Variants in EPHA6 observed in about 807,000 individuals in gnomAD.
EPHA6 encodes the protein ephrin type-A receptor 6.
A neutral mutation model predicts 112.0 loss-of-function variants in EPHA6; 50 were observed. The ratio of observed to expected loss-of-function variants is 0.45; its 90% CI spans 0.36 to 0.56. The LOEUF is 0.56. Among genes scored for constraint, EPHA6 ranks in the 20% least tolerant of loss-of-function variants. The probability of loss-of-function intolerance (pLI) is 0.00; values close to 1 mark genes in which losing one functional copy is unlikely to be tolerated. For synonymous variants in EPHA6, 529 were observed against 490.7 expected (o/e 1.08, Z -1.03); for missense variants, 1,280 against 1,417.4 (o/e 0.90, Z 1.56).
At chr3:97,229,171 A>G (rs2078448776) in intron 4 of EPHA6, among the ~76,000 whole-genome samples, 1 of 152,026 alleles carries the variant, frequency 6.6e-6, no homozygotes, top group African/African-American at 2.4e-5. Flanking sequence ...TGGGTTGTCC[A>G]TTAACTCTGC....
intron 5 of EPHA6, among the ~76,000 whole-genome samples, chr3:97,380,462 A>G (rs1393040347): frequency 6.6e-6 from 1 of 152,192 alleles, no homozygotes; most frequent in East Asian, 1.9e-4. Context: ...CAGAATGCCT[A>G]ACTCATTACC....
At chr3:96,945,808 T>C (rs556234152) in intron 2 of EPHA6, among the ~76,000 whole-genome samples, 50 of 152,304 alleles carry the variant, frequency 3.3e-4, no homozygotes, top group Non-Finnish European at 6.9e-4. Context: ...CATGATCTTG[T>C]TACAGTCGAT....
At chr3:97,145,537 TAAAA>T (rs543752436) in intron 3 of EPHA6, among the ~76,000 whole-genome samples, 2 of 145,668 alleles carry the variant, frequency 1.4e-5, no homozygotes, top group Non-Finnish European at 3.1e-5. Flanking sequence ...TGACAACAGT[TAAAA>T]AAAAAAACAT....
chr3:97,343,607 T>C (rs2083411161), intron 5 of EPHA6, among the ~76,000 whole-genome samples: 1 of 151,828 alleles, frequency 6.6e-6, no homozygotes, highest in Admixed American at 6.6e-5. Flanking sequence ...TAATTGGCCA[T>C]CTCACCAGAA....
At chr3:97,291,666 A>G (rs2080688600) in intron 5 of EPHA6, among the ~76,000 whole-genome samples, 1 of 152,018 alleles carries the variant, frequency 6.6e-6, no homozygotes, top group Non-Finnish European at 1.5e-5. Flanking sequence ...TTTATTTGAG[A>G]TCTAATATTT....
chr3:96,979,747 C>G (rs1175459160), intron 2 of EPHA6, among the ~76,000 whole-genome samples: 1 of 152,160 alleles, frequency 6.6e-6, no homozygotes, highest in Non-Finnish European at 1.5e-5. Flanking sequence ...GCCATTCTAA[C>G]TGGTGTGAGA....
chr3:97,437,668 T>G (rs968650936), intron 6 of EPHA6, among the ~76,000 whole-genome samples: 16 of 151,662 alleles, frequency 1.1e-4, no homozygotes, highest in Non-Finnish European at 1.3e-4. Context: ...ATTTTTTGGT[T>G]GTTGTTTTTG....
chr3:97,253,641 A>G (rs188040085), intron 5 of EPHA6, among the ~76,000 whole-genome samples: 24 of 152,288 alleles, frequency 1.6e-4, no homozygotes, highest in African/African-American at 5.5e-4. Context: ...GATGATAGAT[A>G]TATCTATAGT....
At chr3:97,063,284 A>G (rs1275820515) in intron 3 of EPHA6, among the ~76,000 whole-genome samples, 1 of 152,230 alleles carries the variant, frequency 6.6e-6, no homozygotes, top group Non-Finnish European at 1.5e-5. Context: ...CACAATAGCA[A>G]AGACATGGAA....
chr3:97,252,310 A>T (rs914317927), intron 5 of EPHA6, among the ~76,000 whole-genome samples: 6 of 152,082 alleles, frequency 3.9e-5, no homozygotes, highest in Non-Finnish European at 8.8e-5. Flanking sequence ...CCACAATGGG[A>T]GACCACCAGT....
chr3:97,395,154 CATAAG>C (rs2086628367), intron 5 of EPHA6, among the ~76,000 whole-genome samples: 1 of 151,404 alleles, frequency 6.6e-6, no homozygotes, highest in African/African-American at 2.4e-5. Flanking sequence ...CAAGGAAGAA[CATAAG>C]ATAAAGTACT....
intron 11 of EPHA6, among the ~76,000 whole-genome samples, chr3:97,568,360 A>G (rs1483258675): frequency 1.3e-5 from 2 of 152,208 alleles, no homozygotes; most frequent in African/African-American, 2.4e-5. Context: ...TATAAAATGC[A>G]GAACAGATAA....
In EPHA6 at chr3:97,717,208, G is replaced by A. The variant is rs1209138871; in HGVS notation, c.2785-3053G>A. Reference sequence around the variant, plus strand: ...ATCGCGCCATTGCACTCCAGCCTGGGCAACAAGAGTGAAACTCCATCTCAA... The same window carrying A: ...ATCGCGCCATTGCACTCCAGCCTGGACAACAAGAGTGAAACTCCATCTCAA... On this transcript the variant is annotated intron_variant, in intron 14 of 17. Transcript: ENST00000389672. Among the ~76,000 whole-genome samples the A allele has an allele frequency of 6.6e-5, 9 of 136,612 alleles. No individual in the cohort carries two copies. In the Admixed American group the frequency reaches 7.0e-4, roughly 11 times the overall value. 89.6% of individuals were successfully genotyped at this position (136,612 alleles called of 152,430 possible).
chr3:97,368,507 T>C (rs1210963634), intron 5 of EPHA6, among the ~76,000 whole-genome samples: 2 of 152,092 alleles, frequency 1.3e-5, no homozygotes, highest in African/African-American at 4.8e-5. Flanking sequence ...ACAAAATAGG[T>C]CAACCTATCT....
At chr3:97,646,202 C>G in intron 14 of EPHA6, 1 of 1,535,642 alleles carries the variant, frequency 6.5e-7, no homozygotes. Flanking sequence ...GCGAGTCCAG[C>G]TCTGGTTATG....
intron 12 of EPHA6, among the ~76,000 whole-genome samples, chr3:97,602,146 A>G (rs1311570821): frequency 6.6e-6 from 1 of 152,042 alleles, no homozygotes; most frequent in East Asian, 1.9e-4. Flanking sequence ...CTGAAATTTC[A>G]ACTGCTAAGC....
rs1315620039 is a variant in EPHA6, at chr3:97,751,657, T to A, written c.*2956T>A. ...TTACATGAAACATTTTGAGACTTACTAGTGTAAATTTTAGGTAATTAAATC... is the reference window on the plus strand; with the variant it reads ...TTACATGAAACATTTTGAGACTTACAAGTGTAAATTTTAGGTAATTAAATC... On this transcript the variant is annotated 3_prime_UTR_variant, in exon 18 of 18. Transcript: ENST00000389672. Among the ~76,000 whole-genome samples the A allele has an allele frequency of 1.3e-5, 2 of 152,140 alleles. No homozygotes were observed. Among genetic ancestry groups the A allele is most frequent in the Non-Finnish European group, 2.9e-5 (2 of 67,972 alleles).
chr3:96,982,882 C>A (rs2042856178), intron 2 of EPHA6, among the ~76,000 whole-genome samples: 2 of 152,164 alleles, frequency 1.3e-5, no homozygotes, highest in South Asian at 2.1e-4. Context: ...GCAACCCCTG[C>A]CTTTTTTTGT....
chr3:97,709,923 G>A (rs1427928595), intron 14 of EPHA6, among the ~76,000 whole-genome samples: 1 of 152,196 alleles, frequency 6.6e-6, no homozygotes, highest in Non-Finnish European at 1.5e-5. Context: ...TTCCAGCCAT[G>A]TGGAACTGTG....
Sources: gnomAD v4.1 joint callset for allele counts (sites outside exome capture counted in the v4.1 genomes callset) on GRCh38, gnomAD v4.1.1 for gene constraint, MANE v1.5 for transcripts, NCBI Gene and HGNC (gene_info 2026-07-23, HGNC 2026-07-21) for gene names.